Variants in ASB15 observed in about 807,000 individuals in gnomAD.
The protein encoded by ASB15 is ankyrin repeat and SOCS box containing 15.
ASB15 carries 54 observed loss-of-function variants against 58.0 expected under a neutral mutation model. That is an observed-to-expected ratio of 0.93 (90% CI 0.75 to 1.17). The LOEUF (loss-of-function observed/expected upper bound fraction) is 1.17, where lower values mean the gene tolerates loss of function less well. Among genes scored for constraint, ASB15 ranks in the 50% most tolerant of loss-of-function variants. ASB15 has a pLI of 0.00. For missense variants in ASB15, 680 were observed against 707.4 expected, an observed-to-expected ratio of 0.96 and a Z score of 0.44; for synonymous variants, 249 against 262.4, an observed-to-expected ratio of 0.95 and a Z score of 0.50.
At chr7:123,624,539 T>G (rs1584804851) in intron 7 of ASB15, 30 bp from the exon 8 acceptor site, 1 of 1,591,296 alleles carries the variant, frequency 6.3e-7, no homozygotes, top group Non-Finnish European at 8.6e-7. Context: ...GTTAATATAC[T>G]TACTGTTGTT....
intron 1 of ASB15, among the ~76,000 whole-genome samples, chr7:123,603,242 C>T (rs1799972811): frequency 6.6e-6 from 1 of 152,058 alleles, no homozygotes; most frequent in Non-Finnish European, 1.5e-5. Flanking sequence ...ATGTGTCTAG[C>T]CCTGTGCCTG....
Position 123,627,102 on chromosome 7 carries a change from A to G in ASB15, c.698-8A>G, listed in dbSNP as rs1562938462. On this transcript the variant is annotated splice_region_variant and splice_polypyrimidine_tract_variant and intron_variant, in intron 8 of 11. Transcript: ENST00000451215. ...CAGTTATCATTATGCCACGTTTTAT[A>G]CTGCCAGGTGGTGATGTGCTTGCTT... is the stretch of plus-strand genomic sequence containing the variant. 4 of 1,609,840 alleles carry G rather than the reference A, an allele frequency of 2.5e-6. No homozygotes were observed.
intron 1 of ASB15, among the ~76,000 whole-genome samples, chr7:123,579,323 T>A (rs1313857522): frequency 6.6e-6 from 1 of 152,108 alleles, no homozygotes; most frequent in Non-Finnish European, 1.5e-5. Flanking sequence ...TAAAAATACT[T>A]TCTTAGTTAT....
chr7:123,619,302 G>T (rs180833375), intron 7 of ASB15, among the ~76,000 whole-genome samples: 2 of 151,760 alleles, frequency 1.3e-5, no homozygotes, highest in African/African-American at 4.8e-5. Context: ...AATTAGATGT[G>T]ATTTAAATGG....
chr7:123,628,632 T>C (rs2116644904), intron 9 of ASB15, among the ~76,000 whole-genome samples: 1 of 152,326 alleles, frequency 6.6e-6, no homozygotes, highest in Non-Finnish European at 1.5e-5. Flanking sequence ...ACATATAAGA[T>C]GCAGTTTCCC....
At chr7:123,593,255 C>A (rs958536391) in intron 1 of ASB15, among the ~76,000 whole-genome samples, 1 of 152,090 alleles carries the variant, frequency 6.6e-6, no homozygotes, top group Non-Finnish European at 1.5e-5. Context: ...GTAATTGGGG[C>A]ATTTAGCCTG....
intron 2 of ASB15, among the ~76,000 whole-genome samples, chr7:123,605,891 G>GGGA (rs1337428606): frequency 6.6e-6 from 1 of 151,972 alleles, no homozygotes; most frequent in Non-Finnish European, 1.5e-5. Context: ...CTACCTATGA[G>GGGA]GTACTATGCC....
At chr7:123,615,268 A>T (rs972565163) in intron 4 of ASB15, 1 of 151,936 alleles carries the variant, frequency 6.6e-6, no homozygotes, top group African/African-American at 2.4e-5. Flanking sequence ...TTTCTTTCTT[A>T]AAAAAACACA....
chr7:123,570,711 G>A (rs981093952), intron 1 of ASB15, among the ~76,000 whole-genome samples: 1 of 140,688 alleles, frequency 7.1e-6, no homozygotes, highest in Non-Finnish European at 1.6e-5. Context: ...CACTGCAAGG[G>A]AGCTATCAGA....
chr7:123,589,255 C>G (rs1799461918), intron 1 of ASB15, among the ~76,000 whole-genome samples: 1 of 151,260 alleles, frequency 6.6e-6, no homozygotes, highest in Admixed American at 6.6e-5. Context: ...GTTATTTTCT[C>G]TTGATAAATT....
intron 1 of ASB15, among the ~76,000 whole-genome samples, chr7:123,591,416 G>A (rs1584741426): frequency 6.6e-6 from 1 of 152,098 alleles, no homozygotes; most frequent in South Asian, 2.1e-4. Flanking sequence ...TGCCCACTTA[G>A]TAACATATTG....
chr7:123,623,330 A>T (rs930811042), intron 7 of ASB15, among the ~76,000 whole-genome samples: 1 of 152,214 alleles, frequency 6.6e-6, no homozygotes, highest in African/African-American at 2.4e-5. Context: ...CTTAAAAGGA[A>T]AAAAAAGTTA....
rs1802463395 is a variant in ASB15 at position 123,636,982 on chromosome 7, C to T, written c.*1C>T. 2 of 1,494,064 alleles carry T rather than the reference C, an allele frequency of 1.3e-6. No homozygotes were observed. Among genetic ancestry groups the T allele is most frequent in the Non-Finnish European group, 1.8e-6 (2 of 1,091,962 alleles). The allele number at this position is 1,494,064 out of a possible 1,614,324, so 92.6% of individuals were successfully genotyped here. On this transcript the variant is annotated 3_prime_UTR_variant, in exon 12 of 12. Coordinates refer to ENST00000451215, the MANE Select transcript of ASB15 (RefSeq NM_001290258.2). ...TGGACAAGAGCTAAAATTGACATAA[C>T]TTAATATTTTAAAATGTGATTTAAA...
At chr7:123,628,269 A>G (rs1316425459) in intron 9 of ASB15, among the ~76,000 whole-genome samples, 1 of 152,252 alleles carries the variant, frequency 6.6e-6, no homozygotes, top group African/African-American at 2.4e-5. Flanking sequence ...ATTAAAAAAT[A>G]GATTGTGTAG....
At chr7:123,591,075 T>C (rs1378451055) in intron 1 of ASB15, among the ~76,000 whole-genome samples, 1 of 152,108 alleles carries the variant, frequency 6.6e-6, no homozygotes, top group Non-Finnish European at 1.5e-5. Flanking sequence ...TAAATGGGAG[T>C]TCACTCATAA....
At chr7:123,612,897 G>A (rs1346950139) in intron 3 of ASB15, among the ~76,000 whole-genome samples, 1 of 152,080 alleles carries the variant, frequency 6.6e-6, no homozygotes, top group Non-Finnish European at 1.5e-5. Context: ...TCTAAGGAGA[G>A]GAGACACACA....
At chr7:123,583,357 T>C (rs1799287640) in intron 1 of ASB15, among the ~76,000 whole-genome samples, 1 of 151,976 alleles carries the variant, frequency 6.6e-6, no homozygotes, top group Non-Finnish European at 1.5e-5. Context: ...AAGTGGGAAC[T>C]AACGGGAAAC....
At chr7:123,632,032 C>A (rs553320398) in intron 11 of ASB15, among the ~76,000 whole-genome samples, 28 of 151,856 alleles carry the variant, frequency 1.8e-4, no homozygotes, top group Non-Finnish European at 3.7e-4. Flanking sequence ...GAGCCGAGAT[C>A]GCCCCACTGC....
chr7:123,606,838 A>G (rs1199895850), intron 2 of ASB15, among the ~76,000 whole-genome samples: 1 of 152,006 alleles, frequency 6.6e-6, no homozygotes. Flanking sequence ...CATTTTCTTC[A>G]TTTATTCATC....
Sources: gnomAD v4.1 joint callset for allele counts (sites outside exome capture counted in the v4.1 genomes callset) on GRCh38, gnomAD v4.1.1 for gene constraint, MANE v1.5 for transcripts, NCBI Gene and HGNC (gene_info 2026-07-23, HGNC 2026-07-21) for gene names.